The following MEP1B variants were observed in gnomAD, a reference collection of about 807,000 sequenced individuals.
MEP1B encodes meprin A subunit beta.
Under a neutral mutation model 84.6 loss-of-function variants are expected in MEP1B, and 80 were observed. The observed-to-expected ratio is 0.95, with a 90% CI of 0.79 to 1.14. The LOEUF (loss-of-function observed/expected upper bound fraction) is 1.14. Among genes scored for constraint, MEP1B ranks in the 50% most tolerant of loss-of-function variants. The probability of loss-of-function intolerance (pLI) is 0.00; values close to 1 mark genes in which losing one functional copy is unlikely to be tolerated. For missense variants in MEP1B, 766 were observed against 855.1 expected, an observed-to-expected ratio of 0.90 and a Z score of 1.30; for synonymous variants, 273 against 288.1, an observed-to-expected ratio of 0.95 and a Z score of 0.53.
In MEP1B at chr18:32,210,543, TG is replaced by T. The variant is rs1295853233; in HGVS notation, c.967del (p.Ala323ProfsTer33). Reference sequence around the variant, plus strand: ...CATTTCGATAGCAGCTCTGTAAATGTGGGGGCCACAGCAGTGCTGGAAAGTA... The same window carrying T: ...CATTTCGATAGCAGCTCTGTAAATGTGGGGCCACAGCAGTGCTGGAAAGTA... ...FMHFDSSSVN[V>X]GATAVLESRT... On this transcript the variant is annotated frameshift_variant, in exon 10 of 15. Transcript: ENST00000269202. LOFTEE classifies it high-confidence loss of function. 1.4e-5 allele frequency: 22 copies of T among 1,613,876 alleles called. No individual in the cohort carries two copies. The highest frequency in any genetic ancestry group is 1.7e-5 in the Non-Finnish European group (20 of 1,179,890).
At position 32,218,826 on chromosome 18, in the gene MEP1B, C is replaced by T. The variant is rs760475644; in HGVS notation, c.2091+861C>T. Among the ~76,000 whole-genome samples, 80 of 152,066 alleles carry T rather than the reference C, an allele frequency of 5.3e-4. 2 individuals are homozygous for T. Among genetic ancestry groups the T allele is most frequent in the Non-Finnish European group, 1.5e-4 (10 of 68,014 alleles). ...GGGGGCATAAAATTGGGCAAGGCAA[C>T]GGCCTTTGGGGGAGGGCATTTCTTG... On this transcript the variant is annotated intron_variant, in intron 14 of 14. Coordinates refer to ENST00000269202, the MANE Select transcript of MEP1B (RefSeq NM_005925.3).
In MEP1B at chr18:32,215,969, C is replaced by CATAT. The variant is rs10522884; in HGVS notation, c.1759+755_1759+758dup. 7.7e-4 allele frequency among the ~76,000 whole-genome samples: 104 copies of CATAT among 134,900 alleles called. 1 individual carries two copies. Among genetic ancestry groups the CATAT allele is most frequent in the Non-Finnish European group, 1.3e-3 (79 of 61,532 alleles). The allele number at this position is 134,900 out of a possible 152,430, so 88.5% of individuals were successfully genotyped here. On this transcript the variant is annotated intron_variant, in intron 12 of 14. Transcript: ENST00000269202. ...ATGTACATACATGCATACATATATG[C>CATAT]ATATATATATATATATATATATATA...
intron 7 of MEP1B, among the ~76,000 whole-genome samples, chr18:32,205,501 C>T (rs1002341677): frequency 3.3e-5 from 5 of 152,194 alleles, no homozygotes; most frequent in Admixed American, 2.0e-4. Context: ...CTCTGCTTAT[C>T]TCAAATGCGG....
At chr18:32,198,349 T>C (rs1200419375) in intron 5 of MEP1B, among the ~76,000 whole-genome samples, 1 of 152,188 alleles carries the variant, frequency 6.6e-6, no homozygotes, top group African/African-American at 2.4e-5. Context: ...AAGAGGCTGC[T>C]CTCAGGTGGC....
intron 9 of MEP1B, 147 bp from the exon 10 acceptor site, chr18:32,210,354 G>A (rs2041011938): frequency 3.1e-6 from 2 of 649,478 alleles, no homozygotes; most frequent in South Asian, 4.2e-5. Context: ...TGCCAGATAT[G>A]TAGCTTAGGC....
chr18:32,198,108 G>A (rs2040874186), intron 5 of MEP1B, among the ~76,000 whole-genome samples: 1 of 152,146 alleles, frequency 6.6e-6, no homozygotes, highest in South Asian at 2.1e-4. Context: ...AAGAGCTATG[G>A]GAGCACATTG....
At position 32,213,533 on chromosome 18, in the gene MEP1B, T is replaced by C. The variant is rs1203494855; in HGVS notation, c.1553T>C (p.Ile518Thr). The C allele has an allele frequency of 1.2e-6, 2 of 1,613,514 alleles. No homozygotes were observed. Among genetic ancestry groups the C allele is most frequent in the African/African-American group, 1.3e-5 (1 of 74,918 alleles). Residue 518 changes from isoleucine to threonine, a missense_variant, in exon 11 of 15, where the codon ATA (isoleucine) becomes ACA (threonine). Physicochemically the swap from Ile to Thr is moderately conservative, Grantham distance 89. Coordinates refer to ENST00000269202, the MANE Select transcript of MEP1B (RefSeq NM_005925.3). ...CAGCGTATGTCCAATCAGCGGAGTATAACTACAGACCCATTTATGACCACC... is the reference window on the plus strand; with the variant it reads ...CAGCGTATGTCCAATCAGCGGAGTACAACTACAGACCCATTTATGACCACC... The part of the protein sequence containing the change: ...IRQRMSNQRS[I>T]TTDPFMTTDN...
Position 32,210,594 on chromosome 18 carries a change from T to C in MEP1B, c.1013T>C (p.Phe338Ser), listed in dbSNP as rs2041015638. The C allele has an allele frequency of 6.2e-7, 1 of 1,614,008 alleles. No homozygotes were observed. The highest frequency in any genetic ancestry group is 1.7e-5 in the Admixed American group (1 of 60,022). ...AGAACGCTGTACCCTAAAAGAGGAT[T>C]TCAGTGCCTGCAATTTTACTTATAT... ...ESRTLYPKRG[F>S]QCLQFYLYNS... Residue 338 changes from phenylalanine (F) to serine (S), a missense_variant, in exon 10 of 15, where the codon TTT (phenylalanine) becomes TCT (serine). Physicochemically the swap from Phe to Ser is radical, Grantham distance 155. Coordinates refer to ENST00000269202, the MANE Select transcript of MEP1B (RefSeq NM_005925.3).
intron 14 of MEP1B, 33 bp downstream of exon 14, chr18:32,217,998 C>A: frequency 6.3e-7 from 1 of 1,595,218 alleles, no homozygotes; most frequent in Non-Finnish European, 8.6e-7. Context: ...TTATTCATAA[C>A]CTATTGGTGA....
In MEP1B at chr18:32,213,500, A is replaced by G; in HGVS notation, c.1520A>G (p.Asp507Gly). 6.2e-7 allele frequency: 1 copy of G among 1,613,982 alleles called. No individual in the cohort carries two copies. Among genetic ancestry groups the G allele is most frequent in the African/African-American group, 1.3e-5 (1 of 75,052 alleles). ...ATMTLLDQNP[D>G]IRQRMSNQRS... The stretch of plus-strand genomic sequence containing the variant: ...ATGACACTTTTGGATCAAAATCCTG[A>G]CATTCGACAGCGTATGTCCAATCAG... The change falls in exon 11 of 15, where the codon GAC becomes GGC. Residue 507 changes from aspartate (D) to glycine (G), a missense_variant. Asp to Gly is a moderately conservative substitution (Grantham distance 94). Coordinates refer to ENST00000269202, the MANE Select transcript of MEP1B (RefSeq NM_005925.3).
intron 1 of MEP1B, among the ~76,000 whole-genome samples, chr18:32,190,620 A>T (rs964884902): frequency 1.3e-5 from 2 of 152,166 alleles, no homozygotes. Context: ...CCAAGGTTTT[A>T]AATGAAGTTT....
chr18:32,219,228 G>T (rs1296529200), intron 14 of MEP1B, among the ~76,000 whole-genome samples: 1 of 152,202 alleles, frequency 6.6e-6, no homozygotes, highest in Non-Finnish European at 1.5e-5. Context: ...TATCAAGTCA[G>T]TCAAAACATG....
In MEP1B at chr18:32,213,375, A is replaced by C. The variant is rs761212019; in HGVS notation, c.1395A>C (p.Leu465Phe). The C allele has an allele frequency of 6.2e-7, 1 of 1,613,770 alleles. No homozygotes were observed. Among genetic ancestry groups the C allele is most frequent in the Non-Finnish European group, 8.5e-7 (1 of 1,179,844 alleles). ...SSKGYAFQIYLNLAHVTNAGI... is the reference protein window; with the variant it reads ...SSKGYAFQIYFNLAHVTNAGI... Reference sequence around the variant, plus strand: ...AAGGTTATGCCTTTCAGATTTACTTAAATCTAGCCCATGTGACTAATGCAG... The same window carrying C: ...AAGGTTATGCCTTTCAGATTTACTTCAATCTAGCCCATGTGACTAATGCAG... The change falls in exon 11 of 15, where the codon TTA becomes TTC. Residue 465 changes from leucine (L) to phenylalanine (F), a missense_variant. Transcript: ENST00000269202.
Position 32,204,360 on chromosome 18 carries a change from G to T in MEP1B, c.547G>T (p.Gly183Cys). The T allele has an allele frequency of 1.3e-6, 2 of 1,578,454 alleles. No homozygotes were observed. The highest frequency in any genetic ancestry group is 1.2e-5 in the South Asian group (1 of 86,038). Residue 183 changes from glycine to cysteine, a missense_variant and splice_region_variant, in exon 7 of 15, where the codon GGC becomes TGC. Coordinates refer to ENST00000269202, the MANE Select transcript of MEP1B (RefSeq NM_005925.3). The part of the protein sequence containing the change: ...VRIMWDRILS[G>C]REHNFNTYSD... ...GATAATGTGGGACAGAATTCTGTCAGGTACATTTCTCTTTTTTTCCTATGT... is the reference window on the plus strand; with the variant it reads ...GATAATGTGGGACAGAATTCTGTCATGTACATTTCTCTTTTTTTCCTATGT...
chr18:32,192,825 G>T lies in MEP1B; in HGVS notation c.171+8G>T, dbSNP rs779693738. The stretch of plus-strand genomic sequence containing the variant: ...GACATCAGACTTGATAGGGTGAGTT[G>T]AAACAGTATAAGGAAGAATCTTCCA... On this transcript the variant is annotated splice_region_variant and intron_variant, in intron 4 of 14. Transcript: ENST00000269202. 3.9e-5 allele frequency: 63 copies of T among 1,608,918 alleles called. No individual in the cohort carries two copies. The highest frequency in any genetic ancestry group is 5.3e-5 in the Non-Finnish European group (62 of 1,176,604).
At chr18:32,215,348 T>C in intron 12 of MEP1B, 87 bp downstream of exon 12, 2 of 839,874 alleles carry the variant, frequency 2.4e-6, no homozygotes, top group South Asian at 4.2e-5. Flanking sequence ...TGCATTCCAC[T>C]TTTAGATGTA....
At chr18:32,199,076 G>A (rs551730732) in intron 5 of MEP1B, among the ~76,000 whole-genome samples, 4 of 152,288 alleles carry the variant, frequency 2.6e-5, no homozygotes, top group African/African-American at 9.6e-5. Context: ...ACCTTGAGGA[G>A]CATGAGACAG....
At position 32,217,965 on chromosome 18, in the gene MEP1B, TG is replaced by T. The variant is rs1419400638; in HGVS notation, c.2091+1del. ...ATCGACCAAATTTGACTCCGCAAAA[TG>T]TAAGTTGAGGCTGATGTTTGATTAT... On this transcript the variant is annotated splice_donor_variant, in intron 14 of 14. Coordinates refer to ENST00000269202, the MANE Select transcript of MEP1B (RefSeq NM_005925.3). LOFTEE classifies it high-confidence loss of function. 1.2e-6 allele frequency: 2 copies of T among 1,613,508 alleles called. No homozygotes were observed. The highest frequency in any genetic ancestry group is 1.7e-6 in the Non-Finnish European group (2 of 1,179,742).
At chr18:32,201,613 GA>G (rs1379635734) in intron 5 of MEP1B, among the ~76,000 whole-genome samples, 1 of 152,092 alleles carries the variant, frequency 6.6e-6, no homozygotes, top group East Asian at 1.9e-4. Context: ...ATTTTTTATA[GA>G]AATATTAACA....
Sources: gnomAD v4.1 joint callset for allele counts (sites outside exome capture counted in the v4.1 genomes callset) on GRCh38, gnomAD v4.1.1 for gene constraint, MANE v1.5 for transcripts, NCBI Gene and HGNC (gene_info 2026-07-23, HGNC 2026-07-21) for gene names.